DNMT3A: variants seen among roughly 807,000 people sequenced by gnomAD.
The protein encoded by DNMT3A is DNA methyltransferase 3 alpha.
Under a neutral mutation model 117.6 loss-of-function variants are expected in DNMT3A, and 267 were observed. The ratio of observed to expected loss-of-function variants is 2.27; its 90% CI spans 2.05 to 2.51. DNMT3A has a LOEUF of 2.51. DNMT3A is among the 30% of genes most tolerant of loss of function. The pLI is 0.00. For missense variants in DNMT3A, 1,029 were observed against 1,260.2 expected (o/e 0.82, Z 2.78); for synonymous variants, 432 against 474.8 (o/e 0.91, Z 1.17).
rs934544733 is a variant in DNMT3A, at chr2:25,261,284, C to T, written c.640-13032G>A. 4.6e-4 allele frequency among the ~76,000 whole-genome samples: 69 copies of T among 151,590 alleles called. 2 individuals carry two copies. ...TGAAACCCCGTCTCCACTAAAATTACAAAAATTAGCCAGGCATGGTGGCGT... is the reference window on the plus strand; with the variant it reads ...TGAAACCCCGTCTCCACTAAAATTATAAAAATTAGCCAGGCATGGTGGCGT... On this transcript the variant is annotated intron_variant, in intron 6 of 22. Coordinates refer to ENST00000321117, the MANE Select transcript of DNMT3A (RefSeq NM_022552.5).
intron 6 of DNMT3A, among the ~76,000 whole-genome samples, chr2:25,251,319 CAG>C (rs769249722): frequency 1.6e-4 from 24 of 151,874 alleles, no homozygotes; most frequent in Middle Eastern, 3.4e-3. Context: ...ATAAGAGAAA[CAG>C]GGGTGAACTC....
intron 2 of DNMT3A, among the ~76,000 whole-genome samples, chr2:25,310,042 C>T (rs879445823): frequency 6.6e-6 from 1 of 152,146 alleles, no homozygotes; most frequent in Non-Finnish European, 1.5e-5. Context: ...GGCAACAGAG[C>T]AAGACTCCGT....
intron 6 of DNMT3A, among the ~76,000 whole-genome samples, chr2:25,250,471 G>A (rs933735476): frequency 6.6e-6 from 1 of 152,222 alleles, no homozygotes; most frequent in Non-Finnish European, 1.5e-5. Flanking sequence ...GACTGCGGGG[G>A]TGGAAGAATG....
At chr2:25,285,931 A>G (rs1255027575) in intron 3 of DNMT3A, among the ~76,000 whole-genome samples, 2 of 121,066 alleles carry the variant, frequency 1.7e-5, no homozygotes, top group Non-Finnish European at 3.7e-5. Context: ...AGCCCCCAAC[A>G]TGGCACTACC....
intron 1 of DNMT3A, among the ~76,000 whole-genome samples, chr2:25,330,347 C>T (rs937448043): frequency 2.6e-5 from 4 of 152,178 alleles, no homozygotes; most frequent in African/African-American, 9.7e-5. Flanking sequence ...TCGGATGGAC[C>T]GCAGCCCCCA....
chr2:25,242,092 C>T lies in DNMT3A; in HGVS notation c.1937-385G>A, dbSNP rs552487106. 33 of 228,622 alleles carry T rather than the reference C, an allele frequency of 1.4e-4. 1 individual carries two copies. The Admixed American group carries it at 2.0e-3, about 14-fold the overall frequency. The allele number at this position is 228,622 out of a possible 1,614,324, so 14.2% of individuals were successfully genotyped here. On this transcript the variant is annotated intron_variant, in intron 16 of 22. Transcript: ENST00000321117. ...GCTACAATTCTACCCCACCCTTTGA[C>T]TCAACCTGAATGTTCCCTGCTCCAC...
At position 25,234,366 on chromosome 2, in the gene DNMT3A, C is replaced by T. The variant is rs537647207; in HGVS notation, c.2652G>A (p.Ala884=). Residue 884 remains alanine, a synonymous_variant, in exon 23 of 23, where the codon GCG becomes GCA. Transcript: ENST00000321117. This position sits in a 1 kb window ranked among gnomAD's most constrained non-coding sequence, Gnocchi z 4.5. ...YTDVSNMSRL[A]RQRLLGRSWS... is the part of the protein sequence containing the mutation. ...ATGACCGGCCCAGCAGTCTCTGCCT[C>T]GCCAAGCGGCTCATGTTGGAGACGT... 292 of 1,614,110 alleles carry T rather than the reference C, an allele frequency of 1.8e-4. 4 individuals carry two copies. The South Asian group carries it at 2.7e-3, about 15-fold the overall frequency.
At chr2:25,340,140 C>T (rs2035359773) in intron 1 of DNMT3A, among the ~76,000 whole-genome samples, 1 of 152,116 alleles carries the variant, frequency 6.6e-6, no homozygotes, top group African/African-American at 2.4e-5. Flanking sequence ...GCCCTGCCCA[C>T]CCTCCCGCCT....
chr2:25,318,381 G>A (rs1235154690), intron 1 of DNMT3A, among the ~76,000 whole-genome samples: 1 of 152,162 alleles, frequency 6.6e-6, no homozygotes, highest in African/African-American at 2.4e-5. Flanking sequence ...CCGCCTCCTG[G>A]GTTCAAGTGA....
At chr2:25,317,341 C>G (rs1207324828) in intron 1 of DNMT3A, among the ~76,000 whole-genome samples, 2 of 151,712 alleles carry the variant, frequency 1.3e-5, no homozygotes, top group East Asian at 3.9e-4. Context: ...GGATTCCAAG[C>G]ATGAGCCACC....
rs549020879 is a variant in DNMT3A, at chr2:25,293,818, A to G, written c.177+6321T>C. 5.9e-5 allele frequency among the ~76,000 whole-genome samples: 9 copies of G among 152,272 alleles called. No homozygotes were observed. The highest frequency in any genetic ancestry group is 1.0e-4 in the Non-Finnish European group (7 of 68,022). On this transcript the variant is annotated intron_variant, in intron 3 of 22. Coordinates refer to ENST00000321117, the MANE Select transcript of DNMT3A (RefSeq NM_022552.5). The surrounding 1 kb of genome is among the most constrained non-coding windows in gnomAD (Gnocchi z 4.7). ...CTCCTGGGCAGCTGGGACCACAGGT[A>G]TGTGCCACCACATTCGGCTTTTTTC...
Position 25,282,680 on chromosome 2 carries a change from G to C in DNMT3A, c.209C>G (p.Ala70Gly). The change falls in exon 4 of 23, where the codon GCG becomes GGG. Residue 70 changes from alanine (A) to glycine (G), a missense_variant. Physicochemically the swap from Ala to Gly is moderately conservative, Grantham distance 60. Coordinates refer to ENST00000321117, the MANE Select transcript of DNMT3A (RefSeq NM_022552.5). This position sits in a 1 kb window ranked among gnomAD's most constrained non-coding sequence, Gnocchi z 5.2. Reference protein sequence around the residue: ...VESGDTPKDPAVISKSPSMAQ... With the variant: ...VESGDTPKDPGVISKSPSMAQ... ...CATGGATGGGGACTTGGAGATCACC[G>C]CAGGGTCCTTTGGCGTGTCACCGCT... 1 of 1,560,940 alleles carries C rather than the reference G, an allele frequency of 6.4e-7. No homozygotes were observed. Among genetic ancestry groups the C allele is most frequent in the South Asian group, 1.2e-5 (1 of 83,764 alleles).
intron 5 of DNMT3A, 65 bp downstream of exon 5, chr2:25,275,426 CTCACACACA>C: frequency 1.3e-6 from 2 of 1,539,632 alleles, no homozygotes; most frequent in Non-Finnish European, 1.8e-6. Flanking sequence ...CCTCCGCCCC[CTCACACACA>C]CTCGCCACCC....
In DNMT3A at chr2:25,240,322, C is replaced by G. The variant is rs767983115; in HGVS notation, c.2302G>C (p.Asp768His). Residue 768 changes from aspartate (D) to histidine (H), a missense_variant, in exon 19 of 23, where the codon GAC becomes CAC. Asp to His is a moderately conservative substitution (Grantham distance 81). Transcript: ENST00000321117. Reference protein sequence around the residue: ...VVAMGVSDKRDISRFLESNPV... With the variant: ...VVAMGVSDKRHISRFLESNPV... ...TATACCTCGAGAAATCGCGAGATGTCCCTCTTGTCACTAACGCCCATGGCC... is the reference window on the plus strand; with the variant it reads ...TATACCTCGAGAAATCGCGAGATGTGCCTCTTGTCACTAACGCCCATGGCC... The G allele has an allele frequency of 6.2e-7, 1 of 1,614,224 alleles. No homozygotes were observed. The highest frequency in any genetic ancestry group is 8.5e-7 in the Non-Finnish European group (1 of 1,180,040).
chr2:25,300,717 A>T (rs531173482), intron 2 of DNMT3A, among the ~76,000 whole-genome samples: 38 of 3,874 alleles, frequency 9.8e-3, no homozygotes, highest in African/African-American at 0.03. Context: ...AATATAATAT[A>T]TATATATATA....
intron 2 of DNMT3A, among the ~76,000 whole-genome samples, chr2:25,303,142 C>T (rs2033607986): frequency 1.3e-5 from 2 of 152,246 alleles, no homozygotes; most frequent in South Asian, 4.1e-4. Flanking sequence ...ATTTCTTTAA[C>T]AAGCTGCATT....
chr2:25,316,357 T>A (rs947652092), intron 1 of DNMT3A, among the ~76,000 whole-genome samples: 1 of 152,154 alleles, frequency 6.6e-6, no homozygotes, highest in Non-Finnish European at 1.5e-5. Context: ...CTCTTCCTCC[T>A]CCCCTTCCTC....
At chr2:25,244,449 G>T in intron 14 of DNMT3A, 91 bp downstream of exon 14, 2 of 1,579,942 alleles carry the variant, frequency 1.3e-6, no homozygotes, top group East Asian at 4.5e-5. Flanking sequence ...GGGGGTGGAG[G>T]GTCTGTGGGG....
rs983944461 is a variant in DNMT3A at position 25,298,945 on chromosome 2, C to T, written c.177+1194G>A. On this transcript the variant is annotated intron_variant, in intron 3 of 22. Transcript: ENST00000321117. This position sits in a 1 kb window ranked among gnomAD's most constrained non-coding sequence, Gnocchi z 4.3. ...ACCTCCAGGAACTCACCACCCCCCC[C>T]GCCTCTACTGTCCCATTTCACTTCA... Among the ~76,000 whole-genome samples, 1 of 151,298 alleles carries T rather than the reference C, an allele frequency of 6.6e-6. No homozygotes were observed. Among genetic ancestry groups the T allele is most frequent in the Non-Finnish European group, 1.5e-5 (1 of 67,760 alleles).
Sources: gnomAD v4.1 joint callset for allele counts (sites outside exome capture counted in the v4.1 genomes callset) on GRCh38, gnomAD v4.1.1 for gene constraint, Gnocchi (gnomAD v3.1) non-coding constraint, MANE v1.5 for transcripts, NCBI Gene and HGNC (gene_info 2026-07-23, HGNC 2026-07-21) for gene names.